TNKS: variants seen among roughly 807,000 people sequenced by gnomAD.
TNKS encodes the protein tankyrase, also known as poly [ADP-ribose] polymerase tankyrase-1.
In TNKS, 72 loss-of-function variants were observed where a neutral mutation model predicts 135.8. The observed-to-expected ratio is 0.53, with a 90% CI of 0.44 to 0.64. The LOEUF is 0.64. Among genes scored for constraint, TNKS ranks in the 30% least tolerant of loss-of-function variants. The pLI is 0.00. For synonymous variants in TNKS, 849 were observed against 649.3 expected (o/e 1.31, Z -4.68); for missense variants, 1,769 against 1,674.0 (o/e 1.06, Z -0.99).
At position 9,780,153 on chromosome 8, in the gene TNKS, G is replaced by T. The variant is rs1390475218; in HGVS notation, c.*3417G>T. 6.6e-6 allele frequency: 1 copy of T among 152,186 alleles called. No individual in the cohort carries two copies. The highest frequency in any genetic ancestry group is 2.4e-5 in the African/African-American group (1 of 41,446). The allele number at this position is 152,186 out of a possible 1,614,324, so 9.4% of individuals were successfully genotyped here. A position where few individuals can be genotyped will look rare whatever the true frequency, so the allele number is the denominator to read the frequency against. On this transcript the variant is annotated 3_prime_UTR_variant, in exon 27 of 27. Transcript: ENST00000310430. Reference sequence around the variant, plus strand: ...AAGTTGTCTAGGTTTTTCTGTTTCAGTGTCTCTCCCAATGGCACGAAGGGT... The same window carrying T: ...AAGTTGTCTAGGTTTTTCTGTTTCATTGTCTCTCCCAATGGCACGAAGGGT...
At position 9,747,163 on chromosome 8, in the gene TNKS, G is replaced by A. The variant is rs908201371; in HGVS notation, c.2644-861G>A. Among the ~76,000 whole-genome samples, 9 of 152,132 alleles carry A rather than the reference G, an allele frequency of 5.9e-5. No individual in the cohort carries two copies. In the South Asian group the frequency reaches 1.2e-3, roughly 21 times the overall value. ...CTCCCAAAGTGCTGGGATTACAGGC[G>A]TGAGCCACCGCACCCAGCCCCTACT... On this transcript the variant is annotated intron_variant, in intron 17 of 26. Transcript: ENST00000310430.
chr8:9,566,242 T>C (rs1203728144), intron 1 of TNKS: 1 of 152,204 alleles, frequency 6.6e-6, no homozygotes, highest in Non-Finnish European at 1.5e-5. Flanking sequence ...TACCAACTTA[T>C]GTTTTTCTTC....
At chr8:9,683,536 G>A (rs1326254029) in intron 5 of TNKS, among the ~76,000 whole-genome samples, 1 of 151,700 alleles carries the variant, frequency 6.6e-6, no homozygotes, top group Non-Finnish European at 1.5e-5. Flanking sequence ...CCTTTTCTTA[G>A]TTTTTACTAC....
intron 5 of TNKS, among the ~76,000 whole-genome samples, chr8:9,700,421 C>T (rs1803739829): frequency 6.6e-6 from 1 of 152,180 alleles, no homozygotes; most frequent in African/African-American, 2.4e-5. Context: ...TAGAAATTCA[C>T]ATATTTTAGG....
At chr8:9,752,444 T>A in intron 19 of TNKS, 100 bp from the exon 20 acceptor site, 1 of 786,806 alleles carries the variant, frequency 1.3e-6, no homozygotes, top group Non-Finnish European at 2.1e-6. Flanking sequence ...GAAAATCATC[T>A]GACAGCCAAG....
intron 12 of TNKS, among the ~76,000 whole-genome samples, chr8:9,721,784 T>G (rs975877424): frequency 1.3e-5 from 2 of 152,118 alleles, no homozygotes; most frequent in Non-Finnish European, 2.9e-5. Flanking sequence ...TCGGGCATGG[T>G]GGCTGACGCC....
intron 2 of TNKS, among the ~76,000 whole-genome samples, chr8:9,591,649 G>A (rs1798594509): frequency 6.6e-6 from 1 of 152,236 alleles, no homozygotes; most frequent in Non-Finnish European, 1.5e-5. Flanking sequence ...TTTTTGTGCT[G>A]TAACAATGGG....
chr8:9,775,459 C>CTATATATATATATATATATA (rs59789406), intron 26 of TNKS, among the ~76,000 whole-genome samples: 27 of 80,612 alleles, frequency 3.3e-4, no homozygotes, highest in Middle Eastern at 7.4e-3. Flanking sequence ...ATGAATGGTT[C>CTATATATATATATATATATA]TATATATATA....
intron 5 of TNKS, among the ~76,000 whole-genome samples, chr8:9,689,836 AGG>A (rs1803177184): frequency 6.6e-6 from 1 of 152,230 alleles, no homozygotes; most frequent in Non-Finnish European, 1.5e-5. Context: ...TAATGATCTA[AGG>A]TGGACCGATT....
chr8:9,770,179 C>A lies in TNKS; in HGVS notation c.3814C>A (p.Pro1272Thr). ...TAGCACCATGAAAATGGCCCACGCG[C>A]CTCCAGGGCACCACTCAGTCATTGG... The part of the protein sequence containing the change: ...QFSTMKMAHA[P>T]PGHHSVIGRP... The change falls in exon 26 of 27, where the codon CCT (proline) becomes ACT (threonine). Residue 1272 changes from proline to threonine, a missense_variant. Transcript: ENST00000310430. 6.2e-7 allele frequency: 1 copy of A among 1,613,464 alleles called. No homozygotes were observed. The highest frequency in any genetic ancestry group is 8.5e-7 in the Non-Finnish European group (1 of 1,179,956).
chr8:9,652,609 T>G (rs924514554), intron 3 of TNKS, among the ~76,000 whole-genome samples: 4 of 152,204 alleles, frequency 2.6e-5, no homozygotes, highest in Non-Finnish European at 4.4e-5. Flanking sequence ...TAAATATTAA[T>G]TCTTTTCATC....
At chr8:9,744,036 T>C (rs1185449621) in intron 17 of TNKS, among the ~76,000 whole-genome samples, 2 of 152,234 alleles carry the variant, frequency 1.3e-5, no homozygotes, top group Non-Finnish European at 2.9e-5. Context: ...GAGAGCTCAA[T>C]CTGCTCTGTG....
In TNKS at chr8:9,679,878, A is replaced by T; in HGVS notation, c.995-73A>T. The T allele has an allele frequency of 3.3e-6, 4 of 1,222,860 alleles. No homozygotes were observed. The South Asian group carries it at 4.9e-5, about 15-fold the overall frequency. 75.8% of individuals were successfully genotyped at this position (1,222,860 alleles called of 1,614,324 possible). Reference sequence around the variant, plus strand: ...TCTGTTCTTCTCTATTTAATTCTCTATTTGCTGCCTACTGCATTTCTTAAT... The same window carrying T: ...TCTGTTCTTCTCTATTTAATTCTCTTTTTGCTGCCTACTGCATTTCTTAAT... On this transcript the variant is annotated intron_variant, in intron 3 of 26. Coordinates refer to ENST00000310430, the MANE Select transcript of TNKS (RefSeq NM_003747.3).
intron 1 of TNKS, chr8:9,575,453 C>G: frequency 4.1e-6 from 4 of 981,510 alleles, no homozygotes; most frequent in Non-Finnish European, 3.6e-6. Flanking sequence ...GTTATACTAA[C>G]AAATAGACAA....
intron 26 of TNKS, among the ~76,000 whole-genome samples, chr8:9,771,306 G>A (rs1230516510): frequency 7.9e-6 from 1 of 127,362 alleles, no homozygotes; most frequent in African/African-American, 3.3e-5. Context: ...GAGAGAGGAA[G>A]GAAGGAAGAG....
At chr8:9,776,531 A>AG in intron 26 of TNKS, 119 bp from the exon 27 acceptor site, 1 of 831,886 alleles carries the variant, frequency 1.2e-6, no homozygotes, top group Non-Finnish European at 1.9e-6. Context: ...CCTATTAAGA[A>AG]ACTGAGTCTA....
At chr8:9,735,156 A>C (rs1805632467) in intron 16 of TNKS, 72 bp downstream of exon 16, 1 of 1,459,844 alleles carries the variant, frequency 6.9e-7, no homozygotes, top group African/African-American at 1.4e-5. Context: ...TAAAAGACGA[A>C]AGCCATGCTG....
chr8:9,699,653 C>CA (rs1473557592), intron 5 of TNKS, among the ~76,000 whole-genome samples: 11 of 152,138 alleles, frequency 7.2e-5, no homozygotes, highest in African/African-American at 2.2e-4. Flanking sequence ...GTGAATTCAC[C>CA]ACTCTCATAG....
At chr8:9,663,620 T>C (rs1258575433) in intron 3 of TNKS, among the ~76,000 whole-genome samples, 2 of 152,210 alleles carry the variant, frequency 1.3e-5, no homozygotes, top group Non-Finnish European at 2.9e-5. Context: ...TCGCTAGTAG[T>C]AGGTTGTCAT....
Sources: gnomAD v4.1 joint callset for allele counts (sites outside exome capture counted in the v4.1 genomes callset) on GRCh38, gnomAD v4.1.1 for gene constraint, MANE v1.5 for transcripts, NCBI Gene and HGNC (gene_info 2026-07-23, HGNC 2026-07-21) for gene names.